The following WASL variants were observed in gnomAD, a reference collection of about 807,000 sequenced individuals.
The protein encoded by WASL is WASP like actin nucleation promoting factor.
A neutral mutation model predicts 55.5 loss-of-function variants in WASL; 20 were observed. That is an observed-to-expected ratio of 0.36 (90% confidence interval 0.25 to 0.52). The LOEUF (loss-of-function observed/expected upper bound fraction) is 0.52. WASL is among the 20% of genes least tolerant of loss of function. The pLI, the probability that WASL is intolerant of heterozygous loss-of-function variation, is 0.92. For synonymous variants in WASL, 249 were observed against 217.6 expected (o/e 1.14, Z -1.27); for missense variants, 504 against 622.5 (o/e 0.81, Z 2.03).
chr7:123,711,843 ATAATGT>A (rs1409345669), intron 1 of WASL, among the ~76,000 whole-genome samples: 3 of 152,172 alleles, frequency 2.0e-5, no homozygotes, highest in Admixed American at 2.0e-4. Context: ...TATTACCCTA[ATAATGT>A]TAAGGTTAAA....
chr7:123,729,257 A>AT (rs200630495), intron 1 of WASL, among the ~76,000 whole-genome samples: 19 of 151,076 alleles, frequency 1.3e-4, no homozygotes, highest in South Asian at 4.2e-4. Flanking sequence ...AATAGTTTAC[A>AT]TTTTTTTTTG....
chr7:123,688,663 T>A (rs2116764821), intron 10 of WASL, among the ~76,000 whole-genome samples: 1 of 152,234 alleles, frequency 6.6e-6, no homozygotes, highest in Middle Eastern at 3.4e-3. Context: ...CACCCAGCCC[T>A]GAATTTTTCA....
intron 3 of WASL, 83 bp downstream of exon 3, chr7:123,706,657 A>C: frequency 9.3e-7 from 1 of 1,077,874 alleles, no homozygotes; most frequent in Non-Finnish European, 1.4e-6. Context: ...TTGATCTTTC[A>C]ATAAGGTTCT....
chr7:123,728,713 G>A (rs773322521), intron 1 of WASL, among the ~76,000 whole-genome samples: 1 of 152,144 alleles, frequency 6.6e-6, no homozygotes, highest in Non-Finnish European at 1.5e-5. Flanking sequence ...GTGAGCACCT[G>A]TAATCCCAGC....
rs549923261 is a variant in WASL at position 123,692,993 on chromosome 7, T to C, written c.827-126A>G. The C allele has an allele frequency of 4.1e-5, 50 of 1,226,992 alleles. No individual in the cohort carries two copies. The African/African-American group carries it at 5.6e-4, about 14-fold the overall frequency. 76.0% of individuals were successfully genotyped at this position (1,226,992 alleles called of 1,614,324 possible). On this transcript the variant is annotated intron_variant, in intron 8 of 10. Transcript: ENST00000223023. ...CAAAAAAGGGTCTCATCTTTGCATT[T>C]TATTTTACAAAGATACCTGAGCACA... is the stretch of plus-strand genomic sequence containing the variant.
intron 1 of WASL, among the ~76,000 whole-genome samples, chr7:123,712,860 G>C (rs902815825): frequency 6.6e-6 from 1 of 152,096 alleles, no homozygotes; most frequent in African/African-American, 2.4e-5. Context: ...CAAACATTCA[G>C]CACTTCTACT....
intron 1 of WASL, among the ~76,000 whole-genome samples, chr7:123,740,877 C>T (rs79979926): frequency 0.013 from 2,017 of 152,284 alleles, 52 homozygotes; most frequent in African/African-American, 0.047. Flanking sequence ...TGAACCACCA[C>T]GTCCAGCCCA....
At chr7:123,687,730 C>CTAAT (rs1338459795) in intron 10 of WASL, among the ~76,000 whole-genome samples, 1 of 150,910 alleles carries the variant, frequency 6.6e-6, no homozygotes, top group Non-Finnish European at 1.5e-5. Flanking sequence ...CTCATTAGAC[C>CTAAT]TAATGCATGT....
chr7:123,726,857 C>G (rs1012040712), intron 1 of WASL, among the ~76,000 whole-genome samples: 6 of 148,144 alleles, frequency 4.1e-5, no homozygotes, highest in Admixed American at 6.8e-5. Flanking sequence ...CAGAGTGAGA[C>G]TTCATCTCAA....
chr7:123,717,352 C>A (rs1184141638), intron 1 of WASL, among the ~76,000 whole-genome samples: 2 of 152,214 alleles, frequency 1.3e-5, no homozygotes, highest in African/African-American at 4.8e-5. Context: ...TCCTTTGGGA[C>A]ACAGGACCAG....
intron 1 of WASL, among the ~76,000 whole-genome samples, chr7:123,716,207 T>G (rs190022610): frequency 6.6e-6 from 1 of 152,216 alleles, no homozygotes; most frequent in East Asian, 1.9e-4. Context: ...CCAATCAGTT[T>G]ATTTTTATTT....
chr7:123,702,283 T>C (rs1382292481), intron 5 of WASL, among the ~76,000 whole-genome samples: 2 of 152,168 alleles, frequency 1.3e-5, no homozygotes, highest in Admixed American at 6.5e-5. Flanking sequence ...CTTGAACTCC[T>C]GACCTCAGGT....
intron 1 of WASL, among the ~76,000 whole-genome samples, chr7:123,719,507 G>GT (rs1803900521): frequency 2.6e-5 from 4 of 152,162 alleles, no homozygotes; most frequent in Admixed American, 2.0e-4. Context: ...GCAGTAAGCT[G>GT]TAAGTCTGCC....
rs183083397 is a variant in WASL, at chr7:123,681,943, T to C, written c.*2576A>G. ...TAAACACATGAAACACATTATTTTA[T>C]TCTATTTGGGTCAAATTAATTTTAT... On this transcript the variant is annotated 3_prime_UTR_variant, in exon 11 of 11. Coordinates refer to ENST00000223023, the MANE Select transcript of WASL (RefSeq NM_003941.4). 2.0e-5 allele frequency: 3 copies of C among 152,272 alleles called. No individual in the cohort carries two copies. Among genetic ancestry groups the C allele is most frequent in the Admixed American group, 2.0e-4 (3 of 15,286 alleles). The allele number at this position is 152,272 out of a possible 1,614,324, so 9.4% of individuals were successfully genotyped here. A position where few individuals can be genotyped will look rare whatever the true frequency, so the allele number is the denominator to read the frequency against.
chr7:123,717,780 A>T, intron 1 of WASL, among the ~76,000 whole-genome samples: 1 of 152,248 alleles, frequency 6.6e-6, no homozygotes, highest in East Asian at 1.9e-4. Context: ...ATATGTTAGA[A>T]CAGGAGTCTT....
At chr7:123,686,539 C>T (rs1803293214) in intron 10 of WASL, among the ~76,000 whole-genome samples, 1 of 151,830 alleles carries the variant, frequency 6.6e-6, no homozygotes, top group African/African-American at 2.4e-5. Flanking sequence ...AAAAACCATC[C>T]TATATTTTCA....
intron 9 of WASL, among the ~76,000 whole-genome samples, chr7:123,689,782 TG>T (rs972937636): frequency 1.3e-3 from 154 of 115,594 alleles, no homozygotes; most frequent in African/African-American, 4.5e-3. Context: ...AGTGCATTCA[TG>T]AAAAAAAAAA....
chr7:123,724,677 C>T (rs550596198), intron 1 of WASL, among the ~76,000 whole-genome samples: 1 of 152,102 alleles, frequency 6.6e-6, no homozygotes, highest in Non-Finnish European at 1.5e-5. Context: ...TTCTTAGAAT[C>T]GTATTGATTA....
chr7:123,702,123 C>T (rs1458996848), intron 5 of WASL, among the ~76,000 whole-genome samples: 3 of 151,088 alleles, frequency 2.0e-5, no homozygotes, highest in East Asian at 2.0e-4. Context: ...GGTGTGATCT[C>T]GGCTCACTTG....
Sources: allele counts gnomAD v4.1 joint callset (sites outside exome capture counted in the v4.1 genomes callset), GRCh38; gene constraint gnomAD v4.1.1; transcripts MANE v1.5; gene names NCBI Gene and HGNC (gene_info 2026-07-23, HGNC 2026-07-21).